The following GRID2 variants were observed in gnomAD, a reference collection of about 807,000 sequenced individuals.
GRID2 encodes the protein glutamate receptor ionotropic, delta-2.
Under a neutral mutation model 114.8 loss-of-function variants are expected in GRID2, and 33 were observed. The ratio of observed to expected loss-of-function variants is 0.29; its 90% CI spans 0.22 to 0.38. GRID2 has a LOEUF of 0.38. Ranked by LOEUF, GRID2 falls within the 10% of genes least tolerant of loss-of-function variation. GRID2 has a pLI of 1.00. For synonymous variants in GRID2, 505 were observed against 449.9 expected (o/e 1.12, Z -1.55); for missense variants, 1,184 against 1,257.7 (o/e 0.94, Z 0.89).
chr4:93,319,240 A>T (rs912034368), intron 8 of GRID2, among the ~76,000 whole-genome samples: 1 of 152,136 alleles, frequency 6.6e-6, no homozygotes, highest in Admixed American at 6.6e-5. Flanking sequence ...GACCTTAAAC[A>T]CAGAGCCATT....
chr4:93,016,816 C>G (rs976341407), intron 2 of GRID2, among the ~76,000 whole-genome samples: 16 of 152,144 alleles, frequency 1.1e-4, no homozygotes, highest in Non-Finnish European at 1.3e-4. Flanking sequence ...AATTCAACTA[C>G]TTTAGTCATT....
intron 13 of GRID2, among the ~76,000 whole-genome samples, chr4:93,592,547 G>C (rs1738495786): frequency 6.6e-6 from 1 of 152,132 alleles, no homozygotes; most frequent in African/African-American, 2.4e-5. Context: ...ATTTGGGGTG[G>C]AGAGTTCTGT....
At chr4:92,999,645 C>T (rs1469502561) in intron 2 of GRID2, among the ~76,000 whole-genome samples, 3 of 151,518 alleles carry the variant, frequency 2.0e-5, no homozygotes, top group African/African-American at 4.8e-5. Context: ...ATTCCTTTAG[C>T]ATAGATTTTT....
intron 2 of GRID2, among the ~76,000 whole-genome samples, chr4:92,728,747 A>G (rs902379594): frequency 3.9e-5 from 6 of 151,926 alleles, no homozygotes; most frequent in Non-Finnish European, 8.8e-5. Context: ...AAACAAAGCA[A>G]GCAGAGAAAT....
intron 2 of GRID2, among the ~76,000 whole-genome samples, chr4:92,805,666 C>A (rs535992943): frequency 6.6e-6 from 1 of 151,952 alleles, no homozygotes; most frequent in East Asian, 1.9e-4. Flanking sequence ...GGTGCAGTGG[C>A]TCACGCTTGT....
chr4:93,045,679 T>G (rs1463498248), intron 2 of GRID2, among the ~76,000 whole-genome samples: 7 of 152,138 alleles, frequency 4.6e-5, no homozygotes, highest in Admixed American at 4.6e-4. Flanking sequence ...TACTTTGAAC[T>G]GGGGCCTGTC....
Position 93,023,093 on chromosome 4 carries a change from TTGTGTG to T in GRID2, c.245-61874_245-61869del, listed in dbSNP as rs370431407. Among the ~76,000 whole-genome samples, 1,218 of 143,910 alleles carry T rather than the reference TTGTGTG, an allele frequency of 8.5e-3. 20 individuals carry two copies. Among genetic ancestry groups the T allele is most frequent in the African/African-American group, 0.028 (1,090 of 39,402 alleles). The allele number at this position is 143,910 out of a possible 152,430, so 94.4% of individuals were successfully genotyped here. A position where few individuals can be genotyped will look rare whatever the true frequency, so the allele number is the denominator to read the frequency against. On this transcript the variant is annotated intron_variant, in intron 2 of 15. Transcript: ENST00000282020. Reference sequence around the variant, plus strand: ...TAAATTGGGTGGCCACAGAGAACATTTGTGTGTGTGTGTGTGTGTGTGTGTGTGTGT... The same window carrying T: ...TAAATTGGGTGGCCACAGAGAACATTTGTGTGTGTGTGTGTGTGTGTGTGT...
chr4:92,678,951 A>G (rs1733516593), intron 2 of GRID2, among the ~76,000 whole-genome samples: 1 of 150,626 alleles, frequency 6.6e-6, no homozygotes, highest in Non-Finnish European at 1.5e-5. Flanking sequence ...ACCTTGTGAC[A>G]TCTCTCCGAC....
chr4:92,851,211 C>T (rs1446725948), intron 2 of GRID2, among the ~76,000 whole-genome samples: 3 of 151,752 alleles, frequency 2.0e-5, no homozygotes, highest in African/African-American at 7.3e-5. Flanking sequence ...ACAAATCAGC[C>T]AAATACTTTA....
chr4:92,531,214 G>A (rs1263536957), intron 1 of GRID2, among the ~76,000 whole-genome samples: 1 of 151,922 alleles, frequency 6.6e-6, no homozygotes, highest in East Asian at 1.9e-4. Flanking sequence ...AGTGTTTCTT[G>A]TAGTAGTCTC....
chr4:92,318,406 T>A (rs937451988), intron 1 of GRID2, among the ~76,000 whole-genome samples: 1 of 148,536 alleles, frequency 6.7e-6, no homozygotes, highest in Admixed American at 6.8e-5. Context: ...AGTTAGGGAA[T>A]AAGTTGTTTT....
intron 13 of GRID2, among the ~76,000 whole-genome samples, chr4:93,559,587 G>T (rs527376382): frequency 1.7e-4 from 26 of 152,194 alleles, no homozygotes; most frequent in African/African-American, 5.5e-4. Flanking sequence ...CAACAGATGC[G>T]GGAGAGGATG....
chr4:92,804,890 T>C (rs1740338717), intron 2 of GRID2, among the ~76,000 whole-genome samples: 2 of 152,026 alleles, frequency 1.3e-5, no homozygotes, highest in African/African-American at 4.8e-5. Context: ...GGTCAGCAGT[T>C]AGCATTTAAG....
At chr4:93,072,592 A>G (rs980915403) in intron 2 of GRID2, among the ~76,000 whole-genome samples, 2 of 151,710 alleles carry the variant, frequency 1.3e-5, no homozygotes, top group South Asian at 4.2e-4. Context: ...CTGCAGGCCC[A>G]TTTTTATGTG....
At chr4:93,231,507 C>T (rs1032524811) in intron 7 of GRID2, among the ~76,000 whole-genome samples, 23 of 151,802 alleles carry the variant, frequency 1.5e-4, no homozygotes, top group African/African-American at 4.8e-4. Context: ...ATATAGGATA[C>T]TGTAGAATCT....
chr4:93,036,159 G>A (rs1287535904), intron 2 of GRID2, among the ~76,000 whole-genome samples: 1 of 151,974 alleles, frequency 6.6e-6, no homozygotes, highest in Non-Finnish European at 1.5e-5. Context: ...GGGCCAAAAG[G>A]TGGCAATAAT....
chr4:92,397,336 G>A (rs1357582560), intron 1 of GRID2, among the ~76,000 whole-genome samples: 2 of 135,394 alleles, frequency 1.5e-5, no homozygotes, highest in African/African-American at 5.6e-5. Flanking sequence ...AACTCTGTGT[G>A]TTTGTATGTG....
At chr4:92,661,250 A>G (rs1357719583) in intron 2 of GRID2, among the ~76,000 whole-genome samples, 2 of 151,082 alleles carry the variant, frequency 1.3e-5, no homozygotes, top group African/African-American at 4.8e-5. Context: ...GAAATGTGAC[A>G]AAAGTTATAT....
chr4:93,448,929 C>CCCCTTCCCTTCCCCTT (rs1315623494), intron 10 of GRID2, among the ~76,000 whole-genome samples: 2 of 99,792 alleles, frequency 2.0e-5, no homozygotes, highest in African/African-American at 7.8e-5. Flanking sequence ...CCCTTCCCTT[C>CCCCTTCCCTTCCCCTT]CCCTTCCCCT....
Sources: allele counts gnomAD v4.1 joint callset (sites outside exome capture counted in the v4.1 genomes callset), GRCh38; gene constraint gnomAD v4.1.1; transcripts MANE v1.5; gene names NCBI Gene and HGNC (gene_info 2026-07-23, HGNC 2026-07-21).